Variants in PLGRKT observed in about 807,000 individuals in gnomAD.
PLGRKT encodes plasminogen receptor with a C-terminal lysine, also known as plasminogen receptor (KT).
Under a neutral mutation model 18.5 loss-of-function variants are expected in PLGRKT, and 22 were observed. The ratio of observed to expected loss-of-function variants is 1.19; its 90% CI spans 0.85 to 1.70. The LOEUF is 1.70. Among genes scored for constraint, PLGRKT ranks in the 40% most tolerant of loss-of-function variants. The pLI, the probability that PLGRKT is intolerant of heterozygous loss-of-function variation, is 0.00. For missense variants in PLGRKT, 235 were observed against 174.4 expected (o/e 1.35, Z -1.96); for synonymous variants, 72 against 52.8 (o/e 1.36, Z -1.58).
chr9:5,379,719 C>T (rs573849954), intron 3 of PLGRKT, among the ~76,000 whole-genome samples: 1 of 152,184 alleles, frequency 6.6e-6, no homozygotes, highest in East Asian at 1.9e-4. Context: ...AAAATTTAAA[C>T]AACAAACATC....
intron 3 of PLGRKT, among the ~76,000 whole-genome samples, chr9:5,381,269 G>A (rs1429148359): frequency 6.6e-6 from 1 of 152,212 alleles, no homozygotes; most frequent in Non-Finnish European, 1.5e-5. Flanking sequence ...TACAAACCCA[G>A]GAGCCTAGGA....
Position 5,366,330 on chromosome 9 carries a change from G to T in PLGRKT, c.82-4442C>A, listed in dbSNP as rs190202844. 2.3e-3 allele frequency among the ~76,000 whole-genome samples: 350 copies of T among 152,168 alleles called. 1 individual carries two copies. The highest frequency in any genetic ancestry group is 4.8e-3 in the Admixed American group (74 of 15,272). On this transcript the variant is annotated intron_variant, in intron 3 of 5. Transcript: ENST00000223864. ...AACATGTGCAGCAAGTTCTCTTAAT[G>T]GTTGTTAACACAAATCCTAAATACA...
chr9:5,426,562 T>C (rs574274524), intron 3 of PLGRKT, among the ~76,000 whole-genome samples: 1 of 152,316 alleles, frequency 6.6e-6, no homozygotes, highest in South Asian at 2.1e-4. Flanking sequence ...TCATCCTTTC[T>C]TGAAATTAAG....
intron 3 of PLGRKT, among the ~76,000 whole-genome samples, chr9:5,423,454 T>C (rs949591605): frequency 2.6e-5 from 4 of 152,216 alleles, no homozygotes; most frequent in East Asian, 1.9e-4. Flanking sequence ...GGAGTCTATA[T>C]ACATTCTTCC....
rs575911538 is a variant in PLGRKT at position 5,390,631 on chromosome 9, G to C, written c.82-28743C>G. On this transcript the variant is annotated intron_variant, in intron 3 of 5. Coordinates refer to ENST00000223864, the MANE Select transcript of PLGRKT (RefSeq NM_018465.4). Reference sequence around the variant, plus strand: ...AGAGAGACCCAGATCTTTAACTCAGGCTCCTTCAGGTAATCATTGCCTGAT... The same window carrying C: ...AGAGAGACCCAGATCTTTAACTCAGCCTCCTTCAGGTAATCATTGCCTGAT... Among the ~76,000 whole-genome samples, 8 of 151,892 alleles carry C rather than the reference G, an allele frequency of 5.3e-5. No homozygotes were observed. The East Asian group carries it at 1.5e-3, about 29-fold the overall frequency.
intron 3 of PLGRKT, among the ~76,000 whole-genome samples, chr9:5,385,623 G>C (rs563708817): frequency 3.3e-5 from 5 of 151,788 alleles, no homozygotes; most frequent in Non-Finnish European, 4.4e-5. Flanking sequence ...GTGTGTTTTG[G>C]AGAAAGTAAG....
At chr9:5,392,424 G>A (rs1284271641) in intron 3 of PLGRKT, 2 of 151,946 alleles carry the variant, frequency 1.3e-5, no homozygotes, top group Non-Finnish European at 2.9e-5. Context: ...TCATTATTGT[G>A]CAATTATAAT....
intron 3 of PLGRKT, among the ~76,000 whole-genome samples, chr9:5,389,412 T>C (rs1817904920): frequency 6.6e-6 from 1 of 151,910 alleles, no homozygotes; most frequent in Non-Finnish European, 1.5e-5. Flanking sequence ...GTTTATGTTC[T>C]GCAGGAGAAC....
chr9:5,359,956 A>G (rs1214949955), intron 5 of PLGRKT, among the ~76,000 whole-genome samples: 2 of 152,230 alleles, frequency 1.3e-5, no homozygotes, highest in Non-Finnish European at 2.9e-5. Context: ...TCCACATACT[A>G]AATTGATTCT....
rs143863923 is a variant in PLGRKT at position 5,416,999 on chromosome 9, C to G, written c.81+14898G>C. Among the ~76,000 whole-genome samples the G allele has an allele frequency of 2.7e-3, 409 of 152,324 alleles. 1 individual carries two copies. The highest frequency in any genetic ancestry group is 0.011 in the East Asian group (59 of 5,192). On this transcript the variant is annotated intron_variant, in intron 3 of 5. Coordinates refer to ENST00000223864, the MANE Select transcript of PLGRKT (RefSeq NM_018465.4). ...CCTACATTTTAAGAGACTTGGTGGA[C>G]ATTTTTAGTAGGCTCTTTAAACGTT...
At chr9:5,398,764 A>G (rs533081592) in intron 3 of PLGRKT, among the ~76,000 whole-genome samples, 10 of 152,030 alleles carry the variant, frequency 6.6e-5, no homozygotes, top group Admixed American at 2.0e-4. Flanking sequence ...AAGGCGCCAC[A>G]TGATGTTATA....
chr9:5,399,764 G>A (rs946969702), intron 3 of PLGRKT, among the ~76,000 whole-genome samples: 1 of 151,672 alleles, frequency 6.6e-6, no homozygotes, highest in African/African-American at 2.4e-5. Flanking sequence ...CGAGGTGGGT[G>A]GATTCACTGG....
At chr9:5,368,404 A>G (rs2131069888) in intron 3 of PLGRKT, among the ~76,000 whole-genome samples, 1 of 152,316 alleles carries the variant, frequency 6.6e-6, no homozygotes, top group Non-Finnish European at 1.5e-5. Flanking sequence ...TGCAGCCATA[A>G]AAAGGAATTA....
At chr9:5,367,026 CACAT>C (rs756257335) in intron 3 of PLGRKT, among the ~76,000 whole-genome samples, 22,844 of 94,144 alleles carry the variant, frequency 0.24, 2,189 homozygotes, top group South Asian at 0.32. Context: ...CAGATACACA[CACAT>C]ACACACACAC....
rs1357646561 is a variant in PLGRKT at position 5,358,115 on chromosome 9, T to C, written c.*124A>G. 4.6e-6 allele frequency: 3 copies of C among 650,514 alleles called. No homozygotes were observed. In the East Asian group the frequency reaches 8.5e-5, roughly 19 times the overall value. 40.3% of individuals were successfully genotyped at this position (650,514 alleles called of 1,614,324 possible). On this transcript the variant is annotated 3_prime_UTR_variant, in exon 6 of 6. Transcript: ENST00000223864. ...TTTATTTTAAAATAGCTCAAAACTATCTTGCATTTTAATATTTTAAAATAA... is the reference window on the plus strand; with the variant it reads ...TTTATTTTAAAATAGCTCAAAACTACCTTGCATTTTAATATTTTAAAATAA...
chr9:5,406,502 C>T (rs747072030), intron 3 of PLGRKT, among the ~76,000 whole-genome samples: 20 of 152,000 alleles, frequency 1.3e-4, no homozygotes, highest in African/African-American at 4.1e-4. Context: ...AACAAACTAA[C>T]GCAGGAACAG....
intron 3 of PLGRKT, among the ~76,000 whole-genome samples, chr9:5,409,439 AT>A (rs1160272995): frequency 6.6e-6 from 1 of 152,154 alleles, no homozygotes; most frequent in Non-Finnish European, 1.5e-5. Flanking sequence ...GAGTTCTTCA[AT>A]TTTGGAACTC....
At chr9:5,398,910 A>G (rs918356273) in intron 3 of PLGRKT, among the ~76,000 whole-genome samples, 5 of 151,666 alleles carry the variant, frequency 3.3e-5, no homozygotes, top group African/African-American at 1.2e-4. Flanking sequence ...TCGCCTCCCC[A>G]TCTGCTTAAA....
At chr9:5,431,737 A>G (rs1260733665) in intron 3 of PLGRKT, among the ~76,000 whole-genome samples, 160 bp downstream of exon 3, 1 of 152,138 alleles carries the variant, frequency 6.6e-6, no homozygotes, top group Non-Finnish European at 1.5e-5. Flanking sequence ...AAATTAGCCC[A>G]TTCACCAGAT....
Sources: gnomAD v4.1 joint callset for allele counts (sites outside exome capture counted in the v4.1 genomes callset) on GRCh38, gnomAD v4.1.1 for gene constraint, MANE v1.5 for transcripts, NCBI Gene and HGNC (gene_info 2026-07-23, HGNC 2026-07-21) for gene names.